Variants in OTOGL observed in about 807,000 individuals in gnomAD.
OTOGL encodes the protein otogelin-like protein.
A neutral mutation model predicts 318.5 loss-of-function variants in OTOGL; 285 were observed. That is an observed-to-expected ratio of 0.89 (90% CI 0.81 to 0.99). The LOEUF is 0.99. Ranked by LOEUF, OTOGL falls within the 50% of genes least tolerant of loss-of-function variation. The probability of loss-of-function intolerance (pLI) is 0.00; values close to 1 mark genes in which losing one functional copy is unlikely to be tolerated. For missense variants in OTOGL, 2,899 were observed against 2,845.6 expected (o/e 1.02, Z -0.43); for synonymous variants, 987 against 936.5 (o/e 1.05, Z -0.99).
chr12:80,243,828 C>A (rs1253782043), intron 11 of OTOGL, among the ~76,000 whole-genome samples: 2 of 144,842 alleles, frequency 1.4e-5, no homozygotes, highest in African/African-American at 5.2e-5. Context: ...TAATGCAATT[C>A]TATATATAAT....
chr12:80,340,872 T>G (rs957574844), intron 43 of OTOGL, among the ~76,000 whole-genome samples: 1 of 151,824 alleles, frequency 6.6e-6, no homozygotes, highest in Non-Finnish European at 1.5e-5. Context: ...TACTAGAAAT[T>G]ACCTTTCTCT....
chr12:80,363,336 G>C (rs1010890885), intron 52 of OTOGL, among the ~76,000 whole-genome samples: 5 of 152,134 alleles, frequency 3.3e-5, no homozygotes, highest in Non-Finnish European at 1.5e-5. Context: ...GATGAAAATG[G>C]TGTTTGAGGG....
chr12:80,173,983 A>T (rs1874371094), intron 1 of OTOGL, among the ~76,000 whole-genome samples: 1 of 152,212 alleles, frequency 6.6e-6, no homozygotes, highest in South Asian at 2.1e-4. Flanking sequence ...TTAAGAAAAC[A>T]TTGAGAAAGC....
At position 80,368,182 on chromosome 12, in the gene OTOGL, T is replaced by A. The variant is rs753446613; in HGVS notation, c.6511-23T>A. 4.6e-5 allele frequency: 68 copies of A among 1,479,510 alleles called. 1 individual carries two copies. The highest frequency in any genetic ancestry group is 6.2e-5 in the Non-Finnish European group (66 of 1,072,794). 91.6% of individuals were successfully genotyped at this position (1,479,510 alleles called of 1,614,324 possible). On this transcript the variant is annotated intron_variant, in intron 54 of 58. Coordinates refer to ENST00000547103, the MANE Select transcript of OTOGL (RefSeq NM_001378609.3). ...ATTAAAAATATTGATATGGTGTCGC[T>A]AATCTAATATCATTATATGCAGCAC...
intron 1 of OTOGL, among the ~76,000 whole-genome samples, chr12:80,128,534 G>A (rs1871012680): frequency 1.3e-5 from 2 of 152,202 alleles, no homozygotes; most frequent in Admixed American, 6.5e-5. Context: ...ATCTCCAGCT[G>A]CGTGCTGGGA....
intron 23 of OTOGL, among the ~76,000 whole-genome samples, chr12:80,270,794 T>G (rs909228830): frequency 6.6e-6 from 1 of 152,098 alleles, no homozygotes; most frequent in African/African-American, 2.4e-5. Context: ...CCATATATAT[T>G]ATTTATTTTC....
intron 1 of OTOGL, among the ~76,000 whole-genome samples, chr12:80,195,868 C>T (rs923978709): frequency 5.9e-5 from 9 of 152,180 alleles, no homozygotes; most frequent in African/African-American, 2.2e-4. Flanking sequence ...TAGGGTCCTC[C>T]CCTTTCCCCA....
intron 52 of OTOGL, among the ~76,000 whole-genome samples, chr12:80,363,027 T>C (rs1890327028): frequency 6.6e-6 from 1 of 152,096 alleles, no homozygotes; most frequent in Admixed American, 6.6e-5. Context: ...GGCACAATCA[T>C]AGCATCATTG....
At chr12:80,357,425 A>T (rs1889977721) in intron 49 of OTOGL, among the ~76,000 whole-genome samples, 1 of 152,002 alleles carries the variant, frequency 6.6e-6, no homozygotes, top group South Asian at 2.1e-4. Context: ...TTTTCAAATG[A>T]ATCATTATAT....
At chr12:80,207,205 AT>A (rs147539766) in intron 1 of OTOGL, among the ~76,000 whole-genome samples, 2 of 151,200 alleles carry the variant, frequency 1.3e-5, no homozygotes, top group African/African-American at 2.4e-5. Context: ...TATTTTTGGA[AT>A]TTTTTTTTCT....
At chr12:80,242,155 G>T (rs146076521) in intron 11 of OTOGL, among the ~76,000 whole-genome samples, 1 of 152,160 alleles carries the variant, frequency 6.6e-6, no homozygotes, top group Non-Finnish European at 1.5e-5. Flanking sequence ...ATAAAAATCA[G>T]TCTCTGCTAC....
intron 1 of OTOGL, among the ~76,000 whole-genome samples, chr12:80,147,174 T>A (rs927320933): frequency 2.6e-5 from 4 of 151,964 alleles, no homozygotes; most frequent in Non-Finnish European, 5.9e-5. Flanking sequence ...TCTTTCCTGC[T>A]TTCTCCTGTG....
Position 80,170,211 on chromosome 12 carries a change from G to A in OTOGL, c.-19-39202G>A, listed in dbSNP as rs12823684. 3.3e-3 allele frequency among the ~76,000 whole-genome samples: 360 copies of A among 107,948 alleles called. 1 individual carries two copies. The highest frequency in any genetic ancestry group is 0.021 in the South Asian group (78 of 3,692). 70.8% of individuals were successfully genotyped at this position (107,948 alleles called of 152,430 possible). Reference sequence around the variant, plus strand: ...TGTGTGTGTGTGTGTGTGTGTGTGTGTGTATGTATGTGTGTGTGTGTATGT... The same window carrying A: ...TGTGTGTGTGTGTGTGTGTGTGTGTATGTATGTATGTGTGTGTGTGTATGT... On this transcript the variant is annotated intron_variant, in intron 1 of 58. Transcript: ENST00000547103.
chr12:80,239,091 A>T, intron 10 of OTOGL, 113 bp downstream of exon 10: 2 of 1,256,622 alleles, frequency 1.6e-6, no homozygotes, highest in East Asian at 2.7e-5. Flanking sequence ...AAAATATTAT[A>T]TCCAGGAAAT....
At chr12:80,136,276 C>G (rs1347621278) in intron 1 of OTOGL, among the ~76,000 whole-genome samples, 1 of 152,182 alleles carries the variant, frequency 6.6e-6, no homozygotes, top group African/African-American at 2.4e-5. Flanking sequence ...CTCTAGTGAT[C>G]TACCCAGTGG....
In OTOGL at chr12:80,321,292, C is replaced by CA. The variant is rs1178065097; in HGVS notation, c.4081+596dup. On this transcript the variant is annotated intron_variant, in intron 34 of 58. Transcript: ENST00000547103. ...GTGTTTAAAAGTCATGCTTTCTTTT[C>CA]AAAATCCAGAAGCTTGATATCTATC... 3.3e-5 allele frequency among the ~76,000 whole-genome samples: 5 copies of CA among 152,144 alleles called. No homozygotes were observed. In the East Asian group the frequency reaches 9.6e-4, roughly 29 times the overall value.
rs541632441 is a variant in OTOGL at position 80,360,840 on chromosome 12, T to A, written c.6267+1940T>A. Among the ~76,000 whole-genome samples, 4 of 152,204 alleles carry A rather than the reference T, an allele frequency of 2.6e-5. No homozygotes were observed. In the South Asian group the frequency reaches 6.2e-4, roughly 24 times the overall value. ...AGTATACAATCTTTGTGTTTAATTT[T>A]ATTTTTTATTTATTTATTTTTAAAA... On this transcript the variant is annotated intron_variant, in intron 52 of 58. Coordinates refer to ENST00000547103, the MANE Select transcript of OTOGL (RefSeq NM_001378609.3).
intron 43 of OTOGL, 41 bp downstream of exon 43, chr12:80,339,305 T>G (rs756431763): frequency 9.8e-6 from 13 of 1,332,692 alleles, no homozygotes; most frequent in African/African-American, 1.5e-5. Flanking sequence ...TCTGTTTTTT[T>G]TTTTTTTTTT....
intron 26 of OTOGL, among the ~76,000 whole-genome samples, chr12:80,295,172 T>C (rs1354513527): frequency 3.5e-5 from 5 of 144,204 alleles, no homozygotes; most frequent in Non-Finnish European, 7.5e-5. Context: ...TTTTTTTTTT[T>C]TTTTTTTTTT....
Sources: allele counts gnomAD v4.1 joint callset (sites outside exome capture counted in the v4.1 genomes callset), GRCh38; gene constraint gnomAD v4.1.1; transcripts MANE v1.5; gene names NCBI Gene and HGNC (gene_info 2026-07-23, HGNC 2026-07-21).